CCDC136: variants seen among roughly 807,000 people sequenced by gnomAD.
The protein encoded by CCDC136 is coiled-coil domain containing 136.
Under a neutral mutation model 141.2 loss-of-function variants are expected in CCDC136, and 100 were observed. That is an observed-to-expected ratio of 0.71 (90% CI 0.60 to 0.84). The LOEUF is 0.84. Ranked by LOEUF, CCDC136 falls within the 40% of genes least tolerant of loss-of-function variation. The pLI, the probability that CCDC136 is intolerant of heterozygous loss-of-function variation, is 0.00. For missense variants in CCDC136, 1,206 were observed against 1,379.4 expected, an observed-to-expected ratio of 0.87 and a Z score of 1.99; for synonymous variants, 474 against 531.9, an observed-to-expected ratio of 0.89 and a Z score of 1.50.
Position 128,809,435 on chromosome 7 carries a change from C to T in CCDC136, c.1606-15C>T, listed in dbSNP as rs902463289. 44 of 1,478,562 alleles carry T rather than the reference C, an allele frequency of 3.0e-5. No homozygotes were observed. The highest frequency in any genetic ancestry group is 3.7e-5 in the Non-Finnish European group (40 of 1,087,384). 91.6% of individuals were successfully genotyped at this position (1,478,562 alleles called of 1,614,324 possible). On this transcript the variant is annotated splice_polypyrimidine_tract_variant and intron_variant, in intron 10 of 17. Transcript: ENST00000297788. ...ACAGAGTAACCACCCCCTCCACACC[C>T]GCCCCCACCCACAGTGTGACACACT... is the stretch of plus-strand genomic sequence containing the variant.
intron 15 of CCDC136, 132 bp downstream of exon 15, chr7:128,815,051 A>G (rs1172740476): frequency 1.3e-6 from 1 of 777,906 alleles, no homozygotes; most frequent in African/African-American, 1.8e-5. Context: ...AAGTGTCTAC[A>G]GTGGTTCCCA....
intron 3 of CCDC136, among the ~76,000 whole-genome samples, chr7:128,796,722 A>AATATATATATAT (rs149502865): frequency 1.2e-4 from 15 of 120,708 alleles, no homozygotes; most frequent in African/African-American, 1.7e-4. Context: ...GATGATTCAG[A>AATATATATATAT]ATATATATAT....
chr7:128,798,621 G>C (rs1328066624), intron 3 of CCDC136, among the ~76,000 whole-genome samples: 4 of 151,990 alleles, frequency 2.6e-5, no homozygotes, highest in African/African-American at 7.2e-5. Context: ...AAGCATATTA[G>C]GGAGGTGGAG....
In CCDC136 at chr7:128,794,596, C is replaced by A; in HGVS notation, c.265C>A (p.Leu89Ile). 1 of 1,549,932 alleles carries A rather than the reference C, an allele frequency of 6.5e-7. No homozygotes were observed. The highest frequency in any genetic ancestry group is 2.4e-5 in the East Asian group (1 of 41,108). The stretch of plus-strand genomic sequence containing the variant: ...GCAGCATGAGGATGACTCCTTGGAG[C>A]TACAGGGTGAGTGCCTGGGCCAGGG... ...AGQHEDDSLE[L>I]QGLLEDERLA... The change falls in exon 2 of 18, where the codon CTA (leucine) becomes ATA (isoleucine). Residue 89 changes from leucine (L) to isoleucine (I), a missense_variant. Physicochemically the swap from Leu to Ile is conservative, Grantham distance 5. Transcript: ENST00000297788. This position sits in a 1 kb window ranked among gnomAD's most constrained non-coding sequence, Gnocchi z 4.3.
At chr7:128,801,599 A>G (rs889014529) in intron 4 of CCDC136, 90 bp downstream of exon 4, 26 of 962,538 alleles carry the variant, frequency 2.7e-5, no homozygotes, top group Non-Finnish European at 3.8e-5. Flanking sequence ...TTAGATCATG[A>G]ATTGGGAATC....
chr7:128,812,242 C>T lies in CCDC136; in HGVS notation c.2471C>T (p.Ser824Phe). ...YKKSYGSTSS[S>F]DTCQKSFVSS... ...AAGAGTTACGGCAGCACCAGTAGCTCTGACACCTGCCAGAAGAGTTTTGTC... is the reference window on the plus strand; with the variant it reads ...AAGAGTTACGGCAGCACCAGTAGCTTTGACACCTGCCAGAAGAGTTTTGTC... Residue 824 changes from serine (S) to phenylalanine (F), a missense_variant, in exon 13 of 18, where the codon TCT (serine) becomes TTT (phenylalanine). Coordinates refer to ENST00000297788, the MANE Select transcript of CCDC136 (RefSeq NM_022742.5). The T allele has an allele frequency of 6.2e-7, 1 of 1,613,888 alleles. No individual in the cohort carries two copies. The highest frequency in any genetic ancestry group is 1.7e-5 in the Admixed American group (1 of 60,008).
chr7:128,810,151 CT>C lies in CCDC136; in HGVS notation c.1814del (p.Leu605ProfsTer4). 1 of 1,589,954 alleles carries C rather than the reference CT, an allele frequency of 6.3e-7. No individual in the cohort carries two copies. The highest frequency in any genetic ancestry group is 8.6e-7 in the Non-Finnish European group (1 of 1,167,942). Reference sequence around the variant, plus strand: ...TACTCCGCCTCAGAGTCAGGAGCTACTCACCAAGTTAGAAGACCTGTGTGAG... The same window carrying C: ...TACTCCGCCTCAGAGTCAGGAGCTACCACCAAGTTAGAAGACCTGTGTGAG... ...SGLLLKSQEL[L>X]TKLEDLCELQ... On this transcript the variant is annotated frameshift_variant, in exon 12 of 18. Transcript: ENST00000297788. LOFTEE classifies it high-confidence loss of function.
At chr7:128,791,149 G>T (rs1038918533), upstream of CCDC136, among the ~76,000 whole-genome samples, 2 of 152,156 alleles carry the variant, frequency 1.3e-5, no homozygotes, top group African/African-American at 4.8e-5. The surrounding 1 kb of genome is among the most constrained non-coding windows in gnomAD (Gnocchi z 7.1). Context: ...GGGACCCGCC[G>T]CCAGAACCAG....
Position 128,821,606 on chromosome 7 carries a change from C to G in CCDC136, c.*6-193C>G, listed in dbSNP as rs770948486. ...ATACAGGCGGTCACCTAAGGTGGTG[C>G]GTACAGTGTTGGGCCACATGTCTAG... On this transcript the variant is annotated intron_variant, in intron 17 of 17. Coordinates refer to ENST00000297788, the MANE Select transcript of CCDC136 (RefSeq NM_022742.5). The surrounding 1 kb of genome is among the most constrained non-coding windows in gnomAD (Gnocchi z 5.1). Among the ~76,000 whole-genome samples, 2 of 152,172 alleles carry G rather than the reference C, an allele frequency of 1.3e-5. No individual in the cohort carries two copies. The highest frequency in any genetic ancestry group is 4.8e-5 in the African/African-American group (2 of 41,440).
intron 17 of CCDC136, among the ~76,000 whole-genome samples, chr7:128,819,667 T>TA (rs1554393886): frequency 6.6e-6 from 1 of 152,160 alleles, no homozygotes; most frequent in Non-Finnish European, 1.5e-5. Flanking sequence ...CTATTTTTTT[T>TA]TATATATGAT....
chr7:128,803,157 G>C (rs899267069), intron 4 of CCDC136, among the ~76,000 whole-genome samples: 30 of 152,208 alleles, frequency 2.0e-4, no homozygotes, highest in African/African-American at 7.0e-4. Context: ...AATGTTCTAA[G>C]AGACATAATT....
At chr7:128,811,717 T>C (rs1034968784) in intron 12 of CCDC136, 83 bp from the exon 13 acceptor site, 15 of 1,313,244 alleles carry the variant, frequency 1.1e-5, no homozygotes, top group Non-Finnish European at 1.3e-5. Context: ...AGGTGTGCTC[T>C]CAGACATCTG....
chr7:128,811,669 G>A (rs1373989603), intron 12 of CCDC136, 131 bp from the exon 13 acceptor site: 6 of 797,196 alleles, frequency 7.5e-6, no homozygotes, highest in Middle Eastern at 3.6e-4. Context: ...AGAGACATAG[G>A]CCGGGGTGAG....
intron 12 of CCDC136, among the ~76,000 whole-genome samples, chr7:128,811,062 G>C (rs776361721): frequency 6.6e-6 from 1 of 152,172 alleles, no homozygotes; most frequent in Non-Finnish European, 1.5e-5. Flanking sequence ...GTCTCAGCGT[G>C]GGCAAGGAGG....
rs1010823442 is a variant in CCDC136, at chr7:128,794,992, C to T, written c.346+224C>T. Among the ~76,000 whole-genome samples the T allele has an allele frequency of 6.6e-6, 1 of 152,194 alleles. No homozygotes were observed. Among genetic ancestry groups the T allele is most frequent in the African/African-American group, 2.4e-5 (1 of 41,454 alleles). On this transcript the variant is annotated intron_variant, in intron 3 of 17. Transcript: ENST00000297788. The surrounding 1 kb of genome is among the most constrained non-coding windows in gnomAD (Gnocchi z 4.3). ...ACATCTACCTGGCTCTTCTGTCCTC[C>T]CCTTCCATTTCTTGGCCTCCCTGTC...
chr7:128,813,797 T>A (rs56216811), intron 14 of CCDC136, among the ~76,000 whole-genome samples: 47,299 of 151,772 alleles, frequency 0.31, 10,645 homozygotes, highest in African/African-American at 0.62. Flanking sequence ...CCTGGCCAAC[T>A]TGGAGAAACC....
chr7:128,796,739 A>ATATATATATATATATTTTTTTTTTTTTT, intron 3 of CCDC136, among the ~76,000 whole-genome samples: 1 of 113,376 alleles, frequency 8.8e-6, no homozygotes, highest in Non-Finnish European at 1.7e-5. Context: ...ATATATATAT[A>ATATATATATATATATTTTTTTTTTTTTT]TTCTTTTTTT....
rs1219928139 is a variant in CCDC136, at chr7:128,817,773, A to T, written c.3379A>T (p.Asn1127Tyr). 9.3e-6 allele frequency: 15 copies of T among 1,612,722 alleles called. No individual in the cohort carries two copies. The highest frequency in any genetic ancestry group is 1.3e-5 in the Non-Finnish European group (15 of 1,179,472). Reference sequence around the variant, plus strand: ...TGTGTTGCAGTCATCCCCTACCCCCAATCCCCCCATCTTCTCCTTGCCTCT... The same window carrying T: ...TGTGTTGCAGTCATCCCCTACCCCCTATCCCCCCATCTTCTCCTTGCCTCT... ...SESKKSSPTP[N>Y]PPIFSLPLVG... Residue 1127 changes from asparagine (N) to tyrosine (Y), a missense_variant, in exon 17 of 18, where the codon AAT becomes TAT. Asn to Tyr is a moderately radical substitution (Grantham distance 143). Coordinates refer to ENST00000297788, the MANE Select transcript of CCDC136 (RefSeq NM_022742.5). This position sits in a 1 kb window ranked among gnomAD's most constrained non-coding sequence, Gnocchi z 4.6.
Position 128,801,424 on chromosome 7 carries a change from G to A in CCDC136, c.585G>A (p.Glu195=), listed in dbSNP as rs774550329. 6.2e-7 allele frequency: 1 copy of A among 1,613,462 alleles called. No homozygotes were observed. The change falls in exon 4 of 18, where the codon GAG becomes GAA. Residue 195 remains glutamate, a synonymous_variant. Transcript: ENST00000297788. ...GCATTCGGGGAGATTATGAGATGGAGATCGCCTCCCTCCGTGCAGAAATGG... is the reference window on the plus strand; with the variant it reads ...GCATTCGGGGAGATTATGAGATGGAAATCGCCTCCCTCCGTGCAGAAATGG... ...MERIRGDYEM[E]IASLRAEMEM... is the part of the protein sequence containing the mutation.
Sources: gnomAD v4.1 joint callset for allele counts (sites outside exome capture counted in the v4.1 genomes callset) on GRCh38, gnomAD v4.1.1 for gene constraint, Gnocchi (gnomAD v3.1) non-coding constraint, MANE v1.5 for transcripts, NCBI Gene and HGNC (gene_info 2026-07-23, HGNC 2026-07-21) for gene names.